The following FGFR3 variants were observed in gnomAD, a reference collection of about 807,000 sequenced individuals.
FGFR3 encodes FGFR-3.
In FGFR3, 25 loss-of-function variants were observed where a neutral mutation model predicts 82.9. The ratio of observed to expected loss-of-function variants is 0.30; its 90% CI spans 0.22 to 0.42. The LOEUF (loss-of-function observed/expected upper bound fraction) is 0.42. Among genes scored for constraint, FGFR3 ranks in the 10% least tolerant of loss-of-function variants. The probability of loss-of-function intolerance (pLI) is 1.00; values close to 1 mark genes in which losing one functional copy is unlikely to be tolerated. For missense variants in FGFR3, 1,026 were observed against 1,161.0 expected, an observed-to-expected ratio of 0.88 and a Z score of 1.69; for synonymous variants, 620 against 516.0, an observed-to-expected ratio of 1.20 and a Z score of -2.73.
chr4:1,801,327 C>T (rs901564865), intron 4 of FGFR3, 40 bp from the exon 5 acceptor site: 1 of 1,540,646 alleles, frequency 6.5e-7, no homozygotes, highest in South Asian at 1.2e-5. Flanking sequence ...GCCTCTGCTC[C>T]CACTCGGGTC....
chr4:1,805,855 C>G lies in FGFR3; in HGVS notation c.1751C>G (p.Pro584Arg). The G allele has an allele frequency of 1.2e-6, 2 of 1,612,656 alleles. No individual in the cohort carries two copies. Among genetic ancestry groups the G allele is most frequent in the African/African-American group, 2.7e-5 (2 of 75,042 alleles). The change falls in exon 13 of 18, where the codon CCG (proline) becomes CGG (arginine). Residue 584 changes from proline (P) to arginine (R), a missense_variant. By Grantham distance (103) the Pro-to-Arg change is moderately radical. Coordinates refer to ENST00000440486, the MANE Select transcript of FGFR3 (RefSeq NM_000142.5). ...GLDYSFDTCK[P>R]PEEQLTFKDL... is the part of the protein sequence containing the mutation. ...GACTACTCCTTCGACACCTGCAAGC[C>G]GCCCGAGGAGCAGCTCACCTTCAAG... is the stretch of plus-strand genomic sequence containing the variant.
At chr4:1,800,547 A>G (rs545686249) in intron 4 of FGFR3, among the ~76,000 whole-genome samples, 2 of 151,432 alleles carry the variant, frequency 1.3e-5, no homozygotes, top group Admixed American at 6.6e-5. Context: ...AGCTGGGGGA[A>G]CTCACCCTGG....
intron 2 of FGFR3, among the ~76,000 whole-genome samples, chr4:1,799,047 G>A (rs550753617): frequency 1.3e-4 from 20 of 152,340 alleles, no homozygotes; most frequent in Admixed American, 5.9e-4. Context: ...GAGGCAGACC[G>A]GAGTCCTTGG....
rs1461486402 is a variant in FGFR3 at position 1,804,552 on chromosome 4, G to A, written c.1266+32G>A. On this transcript the variant is annotated intron_variant, in intron 9 of 17. Coordinates refer to ENST00000440486, the MANE Select transcript of FGFR3 (RefSeq NM_000142.5). ...GAAAGTAGATACCAGGTTCTGAGCT[G>A]CCTGCCCGCCAGGCCTCCTGGAGCC... 6 of 1,608,624 alleles carry A rather than the reference G, an allele frequency of 3.7e-6. No individual in the cohort carries two copies. In the African/African-American group the frequency reaches 8.0e-5, roughly 21 times the overall value.
At position 1,793,872 on chromosome 4, in the gene FGFR3, G is replaced by A; in HGVS notation, c.-63G>A. 5.2e-6 allele frequency: 3 copies of A among 573,886 alleles called. No individual in the cohort carries two copies. Among genetic ancestry groups the A allele is most frequent in the Non-Finnish European group, 6.8e-6 (3 of 438,568 alleles). The allele number at this position is 573,886 out of a possible 1,614,324, so 35.5% of individuals were successfully genotyped here. A position where few individuals can be genotyped will look rare whatever the true frequency, so the allele number is the denominator to read the frequency against. On this transcript the variant is annotated 5_prime_UTR_variant, in exon 2 of 18. Coordinates refer to ENST00000440486, the MANE Select transcript of FGFR3 (RefSeq NM_000142.5). ...CCCGCCTCCCGCCGGTGCCCGCGCC[G>A]GGCCGTGGGGGGCAGCATGCCCGCG...
Position 1,805,329 on chromosome 4 carries a change from C to T in FGFR3, c.1413-26C>T, listed in dbSNP as rs199628897. ...CTGAGAGTGGGCGAGTTTGCACACT[C>T]ATGGTCCCTCTGCCTCCACTGCCAG... On this transcript the variant is annotated intron_variant, in intron 10 of 17. Transcript: ENST00000440486. 1.8e-3 allele frequency: 2,922 copies of T among 1,609,374 alleles called. 5 individuals are homozygous for T. Among genetic ancestry groups the T allele is most frequent in the Non-Finnish European group, 2.3e-3 (2,667 of 1,179,814 alleles).
intron 2 of FGFR3, among the ~76,000 whole-genome samples, chr4:1,794,620 G>C (rs1481972638): frequency 6.6e-6 from 1 of 152,260 alleles, no homozygotes; most frequent in South Asian, 2.1e-4. Context: ...CCAGGCAAGC[G>C]AGGGGCGCGT....
Position 1,807,443 on chromosome 4 carries a change from G to T in FGFR3, c.*181G>T. On this transcript the variant is annotated 3_prime_UTR_variant, in exon 18 of 18. Coordinates refer to ENST00000440486, the MANE Select transcript of FGFR3 (RefSeq NM_000142.5). ...TGCACATCCGCGTGTGCCTGTGTGC[G>T]TGCGCATCTTGCCTCCAGGTGCAGA... The T allele has an allele frequency of 1.0e-6, 1 of 964,392 alleles. No individual in the cohort carries two copies. Among genetic ancestry groups the T allele is most frequent in the Non-Finnish European group, 1.6e-6 (1 of 625,526 alleles). 59.7% of individuals were successfully genotyped at this position (964,392 alleles called of 1,614,324 possible).
In FGFR3 at chr4:1,798,747, C is replaced by T. The variant is rs545076621; in HGVS notation, c.110-507C>T. Among the ~76,000 whole-genome samples the T allele has an allele frequency of 4.6e-5, 7 of 152,274 alleles. No homozygotes were observed. The South Asian group carries it at 1.4e-3, about 32-fold the overall frequency. On this transcript the variant is annotated intron_variant, in intron 2 of 17. Coordinates refer to ENST00000440486, the MANE Select transcript of FGFR3 (RefSeq NM_000142.5). Reference sequence around the variant, plus strand: ...GGACCCCTCCTGGGGTGAATCTGCACCACGAGGGGGCTGGCTGGCCAACCC... The same window carrying T: ...GGACCCCTCCTGGGGTGAATCTGCATCACGAGGGGGCTGGCTGGCCAACCC...
At chr4:1,802,905 T>A in intron 7 of FGFR3, 1 of 1,583,968 alleles carries the variant, frequency 6.3e-7, no homozygotes, top group South Asian at 1.2e-5. Flanking sequence ...GGGTCTCTTG[T>A]CCCCGCAGTC....
At position 1,805,793 on chromosome 4, in the gene FGFR3, G is replaced by A. The variant is rs199779110; in HGVS notation, c.1689G>A (p.Leu563=). ...VLVEYAAKGN[L]REFLRARRPP... ...TGGAGTACGCGGCCAAGGGTAACCT[G>A]CGGGAGTTTCTGCGGGCGCGGCGGC... is the stretch of plus-strand genomic sequence containing the variant. Residue 563 remains leucine, a synonymous_variant, in exon 13 of 18, where the codon CTG becomes CTA. Coordinates refer to ENST00000440486, the MANE Select transcript of FGFR3 (RefSeq NM_000142.5). 18 of 1,612,684 alleles carry A rather than the reference G, an allele frequency of 1.1e-5. No individual in the cohort carries two copies. In the African/African-American group the frequency reaches 2.3e-4, roughly 20 times the overall value.
intron 2 of FGFR3, among the ~76,000 whole-genome samples, chr4:1,798,166 A>G (rs905409920): frequency 1.4e-4 from 22 of 151,980 alleles, no homozygotes; most frequent in Non-Finnish European, 4.4e-5. Flanking sequence ...GGAGCTGGGC[A>G]GCTACTGGGG....
intron 2 of FGFR3, among the ~76,000 whole-genome samples, chr4:1,796,300 G>T (rs1720502579): frequency 6.6e-6 from 1 of 152,120 alleles, no homozygotes; most frequent in Admixed American, 6.5e-5. Context: ...GATAACCCTG[G>T]CAAGCCCTCT....
In FGFR3 at chr4:1,807,429, G is replaced by A. The variant is rs745704841; in HGVS notation, c.*167G>A. 43 of 1,042,112 alleles carry A rather than the reference G, an allele frequency of 4.1e-5. No individual in the cohort carries two copies. The Admixed American group carries it at 5.6e-4, about 13-fold the overall frequency. The allele number at this position is 1,042,112 out of a possible 1,614,324, so 64.6% of individuals were successfully genotyped here. Reference sequence around the variant, plus strand: ...TGTGTGTGTGTGTGTGCACATCCGCGTGTGCCTGTGTGCGTGCGCATCTTG... The same window carrying A: ...TGTGTGTGTGTGTGTGCACATCCGCATGTGCCTGTGTGCGTGCGCATCTTG... On this transcript the variant is annotated 3_prime_UTR_variant, in exon 18 of 18. Coordinates refer to ENST00000440486, the MANE Select transcript of FGFR3 (RefSeq NM_000142.5).
chr4:1,805,153 G>T (rs1005232258), intron 10 of FGFR3, among the ~76,000 whole-genome samples, 184 bp downstream of exon 10: 1 of 152,256 alleles, frequency 6.6e-6, no homozygotes, highest in South Asian at 2.1e-4. Flanking sequence ...CTCTCAAGGT[G>T]CCCTGTCTGG....
Position 1,807,407 on chromosome 4 carries a change from G to C in FGFR3, c.*145G>C. Reference sequence around the variant, plus strand: ...TCTGTGTGTGTGTGTGTGCGTGTGTGTGTGTGTGTGTGCACATCCGCGTGT... The same window carrying C: ...TCTGTGTGTGTGTGTGTGCGTGTGTCTGTGTGTGTGTGCACATCCGCGTGT... On this transcript the variant is annotated 3_prime_UTR_variant, in exon 18 of 18. Coordinates refer to ENST00000440486, the MANE Select transcript of FGFR3 (RefSeq NM_000142.5). The C allele has an allele frequency of 8.6e-7, 1 of 1,162,798 alleles. No homozygotes were observed. The highest frequency in any genetic ancestry group is 1.2e-6 in the Non-Finnish European group (1 of 808,062). The allele number at this position is 1,162,798 out of a possible 1,614,324, so 72.0% of individuals were successfully genotyped here.
intron 8 of FGFR3, among the ~76,000 whole-genome samples, 168 bp from the exon 9 acceptor site, chr4:1,804,162 C>T (rs951492639): frequency 1.3e-5 from 2 of 152,208 alleles, no homozygotes; most frequent in Non-Finnish European, 2.9e-5. Context: ...GTCTGGCCCT[C>T]TAGACTCACT....
At chr4:1,797,484 C>T (rs948041311) in intron 2 of FGFR3, among the ~76,000 whole-genome samples, 8 of 152,242 alleles carry the variant, frequency 5.3e-5, no homozygotes, top group South Asian at 4.1e-4. Context: ...CCCGTCCCCC[C>T]GTGCTGGACC....
rs200683551 is a variant in FGFR3 at position 1,804,290 on chromosome 4, G to T, written c.1076-40G>T. 6.9e-5 allele frequency: 107 copies of T among 1,551,366 alleles called. 1 individual carries two copies. The highest frequency in any genetic ancestry group is 3.7e-4 in the South Asian group (30 of 81,238). ...GGGCATCCATGGGAGCCCCGTGGGGGGGGGGGCCAGGCCAGGCCTCAACGC... is the reference window on the plus strand; with the variant it reads ...GGGCATCCATGGGAGCCCCGTGGGGTGGGGGGCCAGGCCAGGCCTCAACGC... On this transcript the variant is annotated intron_variant, in intron 8 of 17. Transcript: ENST00000440486.
Sources: allele counts gnomAD v4.1 joint callset (sites outside exome capture counted in the v4.1 genomes callset), GRCh38; gene constraint gnomAD v4.1.1; transcripts MANE v1.5; gene names NCBI Gene and HGNC (gene_info 2026-07-23, HGNC 2026-07-21).